Variants in FER1L6 observed in about 807,000 individuals in gnomAD.
FER1L6 encodes fer-1 like family member 6.
In FER1L6, 177 loss-of-function variants were observed where a neutral mutation model predicts 219.2. The observed-to-expected ratio is 0.81, with a 90% confidence interval of 0.71 to 0.91. The LOEUF (loss-of-function observed/expected upper bound fraction) is 0.91, where lower values mean the gene tolerates loss of function less well. Ranked by LOEUF, FER1L6 falls within the 40% of genes least tolerant of loss-of-function variation. FER1L6 has a pLI of 0.00. For synonymous variants in FER1L6, 768 were observed against 824.3 expected (o/e 0.93, Z 1.17); for missense variants, 2,153 against 2,259.9 (o/e 0.95, Z 0.96).
At chr8:123,923,376 G>A (rs1175313243) in intron 1 of FER1L6, among the ~76,000 whole-genome samples, 2 of 152,134 alleles carry the variant, frequency 1.3e-5, no homozygotes, top group Non-Finnish European at 2.9e-5. Flanking sequence ...CTTTTTCCAC[G>A]TATTCTGTTG....
intron 1 of FER1L6, among the ~76,000 whole-genome samples, chr8:123,892,817 C>A (rs1179260247): frequency 6.6e-6 from 1 of 152,092 alleles, no homozygotes; most frequent in African/African-American, 2.4e-5. Context: ...GTCTTTTTAA[C>A]CTTAAACTAA....
At chr8:124,047,802 C>A (rs746664843) in intron 21 of FER1L6, 33 of 152,314 alleles carry the variant, frequency 2.2e-4, no homozygotes, top group Middle Eastern at 6.8e-3. Flanking sequence ...TTGTGCGCTG[C>A]AGCTAAACAG....
At chr8:123,874,197 T>G (rs1586432855) in intron 1 of FER1L6, among the ~76,000 whole-genome samples, 3 of 152,332 alleles carry the variant, frequency 2.0e-5, no homozygotes, top group South Asian at 4.1e-4. Flanking sequence ...TCAAGTGAGC[T>G]CTTACTGATA....
chr8:123,975,460 GT>G (rs1390199307), intron 8 of FER1L6, among the ~76,000 whole-genome samples, 154 bp downstream of exon 8: 2 of 152,148 alleles, frequency 1.3e-5, no homozygotes, highest in Non-Finnish European at 2.9e-5. Flanking sequence ...ACCAAGATGT[GT>G]CCTATTAAGG....
intron 18 of FER1L6, among the ~76,000 whole-genome samples, chr8:124,026,459 A>G (rs1818710523): frequency 1.3e-5 from 2 of 152,150 alleles, no homozygotes; most frequent in Non-Finnish European, 2.9e-5. Context: ...ATGAGAATGT[A>G]GTTTCAGTGT....
At chr8:123,949,805 G>A (rs1814676247) in intron 1 of FER1L6, among the ~76,000 whole-genome samples, 1 of 152,172 alleles carries the variant, frequency 6.6e-6, no homozygotes, top group Non-Finnish European at 1.5e-5. Flanking sequence ...CTTCCCAAGT[G>A]AGGAATGTAA....
At chr8:123,954,756 T>C (rs1476847433) in intron 1 of FER1L6, among the ~76,000 whole-genome samples, 3 of 152,198 alleles carry the variant, frequency 2.0e-5, no homozygotes, top group Non-Finnish European at 4.4e-5. Context: ...ACCACTGCAC[T>C]CCACACATCC....
chr8:124,057,768 C>A (rs1311640270), intron 22 of FER1L6, among the ~76,000 whole-genome samples: 1 of 152,170 alleles, frequency 6.6e-6, no homozygotes, highest in Non-Finnish European at 1.5e-5. Context: ...TTTCTCCTGC[C>A]TCTTTTTTAA....
intron 2 of FER1L6, among the ~76,000 whole-genome samples, chr8:123,961,402 C>T (rs1166060625): frequency 6.6e-6 from 1 of 152,204 alleles, no homozygotes; most frequent in Non-Finnish European, 1.5e-5. Flanking sequence ...AAATGATGCA[C>T]TAAAATTCCA....
intron 1 of FER1L6, among the ~76,000 whole-genome samples, chr8:123,934,920 C>T (rs1813923992): frequency 6.6e-6 from 1 of 152,150 alleles, no homozygotes; most frequent in African/African-American, 2.4e-5. Context: ...GTAAGATGTG[C>T]TTGCTTCCCC....
chr8:124,110,543 T>TTAA (rs1822979279), intron 39 of FER1L6, among the ~76,000 whole-genome samples: 1 of 152,110 alleles, frequency 6.6e-6, no homozygotes, highest in Non-Finnish European at 1.5e-5. Context: ...GAAATACAAT[T>TTAA]TAAAACAAAG....
chr8:124,060,298 T>G lies in FER1L6; in HGVS notation c.2985+8T>G, dbSNP rs768742230. Reference sequence around the variant, plus strand: ...AGCAAATACCGAGTGGAGGTACGGGTCAGCGGAGGAGCTGAGTTGTTCTTT... The same window carrying G: ...AGCAAATACCGAGTGGAGGTACGGGGCAGCGGAGGAGCTGAGTTGTTCTTT... On this transcript the variant is annotated splice_region_variant and intron_variant, in intron 23 of 40. Coordinates refer to ENST00000522917, the MANE Select transcript of FER1L6 (RefSeq NM_001039112.2). 8.7e-6 allele frequency: 14 copies of G among 1,613,200 alleles called. No homozygotes were observed. The South Asian group carries it at 1.5e-4, about 18-fold the overall frequency.
chr8:123,884,896 A>G (rs960139135), intron 1 of FER1L6, among the ~76,000 whole-genome samples: 7 of 151,972 alleles, frequency 4.6e-5, no homozygotes, highest in African/African-American at 1.7e-4. Flanking sequence ...TCAGAATGGA[A>G]CTCTATTTGA....
At chr8:124,091,898 T>G (rs1822050355) in intron 34 of FER1L6, among the ~76,000 whole-genome samples, 1 of 146,078 alleles carries the variant, frequency 6.8e-6, no homozygotes, top group Non-Finnish European at 1.5e-5. Flanking sequence ...GCTCAAGAGG[T>G]GGAGGTTGCA....
chr8:124,021,648 A>T lies in FER1L6; in HGVS notation c.2112A>T (p.Lys704Asn), dbSNP rs377615459. The T allele has an allele frequency of 1.2e-5, 20 of 1,614,026 alleles. No individual in the cohort carries two copies. The highest frequency in any genetic ancestry group is 1.6e-5 in the Non-Finnish European group (19 of 1,180,008). ...ACGAAGCCCAAAACTTTGTGGAAAA[A>T]ATCCGCTTTCTTGTTGATGAGGTAA... is the stretch of plus-strand genomic sequence containing the variant. ...MIHEAQNFVE[K>N]IRFLVDEPQH... is the part of the protein sequence containing the mutation. Residue 704 changes from lysine (K) to asparagine (N), a missense_variant, in exon 17 of 41, where the codon AAA becomes AAT. Physicochemically the swap from Lys to Asn is moderately conservative, Grantham distance 94 (BLOSUM62 0). Coordinates refer to ENST00000522917, the MANE Select transcript of FER1L6 (RefSeq NM_001039112.2).
At chr8:123,865,832 C>G (rs1293725742) in intron 1 of FER1L6, among the ~76,000 whole-genome samples, 1 of 151,528 alleles carries the variant, frequency 6.6e-6, no homozygotes, top group Non-Finnish European at 1.5e-5. Context: ...CCTCGCCCTG[C>G]TTTGGCTCAC....
intron 1 of FER1L6, among the ~76,000 whole-genome samples, chr8:123,870,452 G>C (rs1272768386): frequency 6.6e-6 from 1 of 152,120 alleles, no homozygotes; most frequent in Admixed American, 6.6e-5. Flanking sequence ...TCATGCAATG[G>C]AATATTATTC....
intron 12 of FER1L6, among the ~76,000 whole-genome samples, chr8:123,998,010 G>A (rs1817214492): frequency 6.6e-6 from 1 of 152,158 alleles, no homozygotes; most frequent in Non-Finnish European, 1.5e-5. Flanking sequence ...GGTCACTAGT[G>A]CTTTATTTAG....
chr8:123,933,169 C>T (rs1014458530), intron 1 of FER1L6, among the ~76,000 whole-genome samples: 1 of 152,176 alleles, frequency 6.6e-6, no homozygotes, highest in African/African-American at 2.4e-5. Context: ...CTCTGGACAG[C>T]TCTAAAGCTC....
Sources: gnomAD v4.1 joint callset for allele counts (sites outside exome capture counted in the v4.1 genomes callset) on GRCh38, gnomAD v4.1.1 for gene constraint, MANE v1.5 for transcripts, NCBI Gene and HGNC (gene_info 2026-07-23, HGNC 2026-07-21) for gene names.